MSRB3: variants seen among roughly 807,000 people sequenced by gnomAD.
MSRB3 encodes the protein methionine sulfoxide reductase B3.
MSRB3 carries 13 observed loss-of-function variants against 21.0 expected under a neutral mutation model. The ratio of observed to expected loss-of-function variants is 0.62; its 90% CI spans 0.40 to 0.98. The LOEUF is 0.98. MSRB3 is among the 50% of genes least tolerant of loss of function. The pLI is 0.00. For missense variants in MSRB3, 199 were observed against 230.3 expected, an observed-to-expected ratio of 0.86 and a Z score of 0.88; for synonymous variants, 87 against 88.6, an observed-to-expected ratio of 0.98 and a Z score of 0.10.
intron 4 of MSRB3, 126 bp from the exon 5 acceptor site, chr12:65,368,872 T>G (rs1898668): frequency 0.012 from 7,610 of 660,562 alleles, 146 homozygotes; most frequent in South Asian, 0.032. Context: ...TATATTAACA[T>G]TTTAGAAATA....
At chr12:65,313,444 A>G (rs1592514326) in intron 2 of MSRB3, among the ~76,000 whole-genome samples, 1 of 152,184 alleles carries the variant, frequency 6.6e-6, no homozygotes, top group Non-Finnish European at 1.5e-5. Context: ...AATATGGACA[A>G]CCTACATAGT....
chr12:65,371,454 C>G lies in MSRB3; in HGVS notation c.292+2428C>G, dbSNP rs181775050. Reference sequence around the variant, plus strand: ...TGTCTAATGTTGTATACAGCTCTGACAAAGCAAGATTTTTAAATGAAGGAA... The same window carrying G: ...TGTCTAATGTTGTATACAGCTCTGAGAAAGCAAGATTTTTAAATGAAGGAA... On this transcript the variant is annotated intron_variant, in intron 5 of 6. Transcript: ENST00000308259. Among the ~76,000 whole-genome samples, 373 of 149,632 alleles carry G rather than the reference C, an allele frequency of 2.5e-3. 1 individual carries two copies. The highest frequency in any genetic ancestry group is 8.7e-3 in the African/African-American group (355 of 40,598).
chr12:65,311,291 C>G (rs1198578709), intron 2 of MSRB3, among the ~76,000 whole-genome samples: 1 of 152,036 alleles, frequency 6.6e-6, no homozygotes, highest in African/African-American at 2.4e-5. Flanking sequence ...TCTCATCTTT[C>G]TTATCTAGGG....
intron 5 of MSRB3, among the ~76,000 whole-genome samples, chr12:65,413,745 A>G (rs868684937): frequency 5.3e-5 from 8 of 152,184 alleles, no homozygotes; most frequent in African/African-American, 1.9e-4. Context: ...CATACTAAAT[A>G]TCTACATTTT....
intron 4 of MSRB3, among the ~76,000 whole-genome samples, chr12:65,343,205 A>G (rs538366850): frequency 4.1e-4 from 63 of 152,230 alleles, no homozygotes; most frequent in African/African-American, 1.5e-3. Flanking sequence ...AAAGGCCAAA[A>G]TCCATATTGC....
intron 1 of MSRB3, among the ~76,000 whole-genome samples, chr12:65,303,155 G>A (rs1226891727): frequency 1.3e-5 from 2 of 152,030 alleles, no homozygotes; most frequent in African/African-American, 4.8e-5. Context: ...ATTGGGAAGG[G>A]ATTCGACCTT....
At chr12:65,279,155 G>A in intron 1 of MSRB3, 1 of 1,097,816 alleles carries the variant, frequency 9.1e-7, no homozygotes, top group African/African-American at 1.7e-5. Flanking sequence ...GAGCGAACCT[G>A]AACCCGCGGG....
chr12:65,309,346 G>C (rs137984105), intron 2 of MSRB3, among the ~76,000 whole-genome samples: 2 of 152,084 alleles, frequency 1.3e-5, no homozygotes, highest in South Asian at 4.1e-4. Context: ...TTCTGTGAGC[G>C]TGATTATCAA....
intron 4 of MSRB3, among the ~76,000 whole-genome samples, chr12:65,353,524 T>C (rs970353892): frequency 1.3e-5 from 2 of 152,178 alleles, no homozygotes; most frequent in Admixed American, 6.5e-5. Flanking sequence ...TAAAGTCTGT[T>C]TTATCAGAGA....
intron 5 of MSRB3, among the ~76,000 whole-genome samples, chr12:65,445,067 G>A (rs192535127): frequency 6.6e-6 from 1 of 152,100 alleles, no homozygotes; most frequent in Admixed American, 6.5e-5. Flanking sequence ...AACTGATTTT[G>A]TTATTTTCTC....
At chr12:65,324,893 T>C (rs1209744340) in intron 2 of MSRB3, among the ~76,000 whole-genome samples, 2 of 152,242 alleles carry the variant, frequency 1.3e-5, no homozygotes, top group Admixed American at 1.3e-4. Context: ...TTGGTCTTTT[T>C]GTATGAATGA....
chr12:65,343,691 C>T (rs779857843), intron 4 of MSRB3, among the ~76,000 whole-genome samples: 30 of 151,958 alleles, frequency 2.0e-4, no homozygotes, highest in Admixed American at 5.9e-4. Flanking sequence ...CAAGGTAACA[C>T]GGGTAGTAAG....
chr12:65,422,255 T>C (rs1011577392), intron 5 of MSRB3, among the ~76,000 whole-genome samples: 3 of 151,698 alleles, frequency 2.0e-5, no homozygotes, highest in Non-Finnish European at 4.4e-5. Context: ...ACAAAGAGAC[T>C]TAGACTCCCA....
intron 2 of MSRB3, among the ~76,000 whole-genome samples, chr12:65,311,362 G>T (rs963755484): frequency 6.6e-6 from 1 of 151,884 alleles, no homozygotes; most frequent in Non-Finnish European, 1.5e-5. Context: ...ATAATTTCTC[G>T]ACCATTCAAG....
intron 4 of MSRB3, among the ~76,000 whole-genome samples, chr12:65,346,431 T>A (rs1395412966): frequency 6.6e-6 from 1 of 152,122 alleles, no homozygotes; most frequent in Non-Finnish European, 1.5e-5. Context: ...TTGATGGGGT[T>A]GTTTGTTTTT....
chr12:65,354,499 T>C (rs940874759), intron 4 of MSRB3, among the ~76,000 whole-genome samples: 2 of 152,012 alleles, frequency 1.3e-5, no homozygotes, highest in Admixed American at 6.6e-5. Context: ...GATAACCCTT[T>C]CTTCCAGTTG....
intron 2 of MSRB3, among the ~76,000 whole-genome samples, chr12:65,319,569 T>C (rs1874527280): frequency 6.6e-6 from 1 of 152,196 alleles, no homozygotes; most frequent in Non-Finnish European, 1.5e-5. Context: ...GTATAGATTG[T>C]TTTTCTTATC....
At chr12:65,318,934 A>C (rs1388809864) in intron 2 of MSRB3, among the ~76,000 whole-genome samples, 4 of 152,150 alleles carry the variant, frequency 2.6e-5, no homozygotes, top group Non-Finnish European at 5.9e-5. Context: ...AGAAAAGTAA[A>C]ATGTGGCTTC....
intron 4 of MSRB3, among the ~76,000 whole-genome samples, chr12:65,336,864 C>T (rs1875792539): frequency 6.6e-6 from 1 of 152,168 alleles, no homozygotes. Context: ...GTGTTTTACA[C>T]GTGGATAAAG....
Sources: allele counts gnomAD v4.1 joint callset (sites outside exome capture counted in the v4.1 genomes callset), GRCh38; gene constraint gnomAD v4.1.1; transcripts MANE v1.5; gene names NCBI Gene and HGNC (gene_info 2026-07-23, HGNC 2026-07-21).